ASTN2: variants seen among roughly 807,000 people sequenced by gnomAD.
The protein encoded by ASTN2 is astrotactin-2.
A neutral mutation model predicts 139.8 loss-of-function variants in ASTN2; 54 were observed. The ratio of observed to expected loss-of-function variants is 0.39; its 90% CI spans 0.31 to 0.48. The LOEUF is 0.48. Among genes scored for constraint, ASTN2 ranks in the 20% least tolerant of loss-of-function variants. The probability of loss-of-function intolerance (pLI) is 0.95; values close to 1 mark genes in which losing one functional copy is unlikely to be tolerated. For synonymous variants in ASTN2, 756 were observed against 719.5 expected (o/e 1.05, Z -0.81); for missense variants, 1,565 against 1,725.1 (o/e 0.91, Z 1.64).
intron 3 of ASTN2, among the ~76,000 whole-genome samples, chr9:117,157,214 G>A (rs1830451732): frequency 6.6e-6 from 1 of 151,872 alleles, no homozygotes; most frequent in South Asian, 2.1e-4. Flanking sequence ...CTCTTTTCAT[G>A]GCCAGAACAT....
intron 4 of ASTN2, among the ~76,000 whole-genome samples, chr9:117,105,547 T>C (rs1326331116): frequency 6.6e-6 from 1 of 152,206 alleles, no homozygotes; most frequent in African/African-American, 2.4e-5. Context: ...ACCTTTCCTT[T>C]ATCATTATGA....
Position 116,471,614 on chromosome 9 carries a change from AG to A in ASTN2, c.3497+15744del, listed in dbSNP as rs564816580. Among the ~76,000 whole-genome samples, 42 of 151,852 alleles carry A rather than the reference AG, an allele frequency of 2.8e-4. No homozygotes were observed. In the South Asian group the frequency reaches 6.0e-3, roughly 22 times the overall value. ...GTTGGGCAGTAAAGGGGGTGGAGGGAGGGGGGAATTCATATGAATGCTTACT... is the reference window on the plus strand; with the variant it reads ...GTTGGGCAGTAAAGGGGGTGGAGGGAGGGGGAATTCATATGAATGCTTACT... On this transcript the variant is annotated intron_variant, in intron 20 of 22. Transcript: ENST00000313400.
chr9:117,074,792 T>C (rs1333298747), intron 5 of ASTN2, among the ~76,000 whole-genome samples: 1 of 152,210 alleles, frequency 6.6e-6, no homozygotes, highest in African/African-American at 2.4e-5. Flanking sequence ...CATACATATG[T>C]ATATGCATGC....
intron 16 of ASTN2, among the ~76,000 whole-genome samples, chr9:116,689,920 A>T (rs1469637367): frequency 6.6e-6 from 1 of 152,112 alleles, no homozygotes; most frequent in Non-Finnish European, 1.5e-5. Flanking sequence ...AGGCAGTCAT[A>T]CTCTGAAGGA....
chr9:116,552,016 C>T (rs1423009330), intron 19 of ASTN2: 1 of 152,046 alleles, frequency 6.6e-6, no homozygotes, highest in Non-Finnish European at 1.5e-5. Context: ...TATACATACA[C>T]ATATACATAT....
At chr9:116,845,602 A>G (rs972288988) in intron 11 of ASTN2, among the ~76,000 whole-genome samples, 1 of 150,408 alleles carries the variant, frequency 6.6e-6, no homozygotes, top group African/African-American at 2.5e-5. Flanking sequence ...AAAATGATAT[A>G]CAAACAGCCA....
chr9:116,553,594 A>G (rs1852453606), intron 19 of ASTN2, among the ~76,000 whole-genome samples: 1 of 152,192 alleles, frequency 6.6e-6, no homozygotes. Context: ...CAGAAAGTGC[A>G]TTGGCTTGGG....
At chr9:116,557,507 C>T (rs1852692072) in intron 19 of ASTN2, 1 of 152,056 alleles carries the variant, frequency 6.6e-6, no homozygotes, top group Admixed American at 6.6e-5. Flanking sequence ...GTAATAGAAG[C>T]CTATAAATAA....
At chr9:116,824,951 G>C (rs10983360) in intron 11 of ASTN2, among the ~76,000 whole-genome samples, 2,489 of 152,272 alleles carry the variant, frequency 0.016, 27 homozygotes, top group East Asian at 0.034. Flanking sequence ...TTGAAACAGG[G>C]AGGTTTTAGT....
intron 1 of ASTN2, among the ~76,000 whole-genome samples, chr9:117,301,889 T>G (rs1395472282): frequency 6.6e-6 from 1 of 151,634 alleles, no homozygotes; most frequent in Non-Finnish European, 1.5e-5. Flanking sequence ...TGAGCCTCAC[T>G]GGCCTCACAT....
At chr9:117,256,011 G>A (rs1443364564) in intron 2 of ASTN2, among the ~76,000 whole-genome samples, 2 of 152,138 alleles carry the variant, frequency 1.3e-5, no homozygotes, top group African/African-American at 2.4e-5. Context: ...TGAAAATGAT[G>A]TCCACAAGAA....
At chr9:117,281,341 A>C (rs112296833) in intron 2 of ASTN2, among the ~76,000 whole-genome samples, 1,979 of 152,288 alleles carry the variant, frequency 0.013, 23 homozygotes, top group Middle Eastern at 0.02. Context: ...AAAGAATCAC[A>C]GTTTAAGTCC....
intron 16 of ASTN2, among the ~76,000 whole-genome samples, chr9:116,659,526 C>G (rs1858430854): frequency 6.6e-6 from 1 of 152,148 alleles, no homozygotes; most frequent in East Asian, 1.9e-4. Context: ...AGTCACACAG[C>G]TAGCAACTAG....
chr9:116,497,149 A>G (rs1345149452), intron 19 of ASTN2, among the ~76,000 whole-genome samples: 1 of 152,182 alleles, frequency 6.6e-6, no homozygotes, highest in Non-Finnish European at 1.5e-5. Flanking sequence ...GGCAGCACAA[A>G]GTGAGCCTGA....
chr9:117,011,749 A>T (rs1320414479), intron 6 of ASTN2, among the ~76,000 whole-genome samples: 1 of 152,214 alleles, frequency 6.6e-6, no homozygotes, highest in Non-Finnish European at 1.5e-5. Flanking sequence ...TTCCAATTGA[A>T]CATGAGGTTC....
chr9:116,498,422 AAAAAAACAAAAAAC>A (rs59614260), intron 19 of ASTN2, among the ~76,000 whole-genome samples: 2 of 150,980 alleles, frequency 1.3e-5, no homozygotes, highest in East Asian at 2.0e-4. Context: ...CCATCTCTAA[AAAAAAACAAAAAAC>A]AAAAAACAAA....
intron 13 of ASTN2, among the ~76,000 whole-genome samples, chr9:116,798,128 G>A (rs1830749222): frequency 6.6e-6 from 1 of 152,116 alleles, no homozygotes; most frequent in Non-Finnish European, 1.5e-5. Context: ...AAAACTAGCT[G>A]GGCATGGTGG....
chr9:117,188,501 G>C (rs186633843), intron 3 of ASTN2, among the ~76,000 whole-genome samples: 134 of 152,184 alleles, frequency 8.8e-4, no homozygotes, highest in African/African-American at 3.2e-3. Context: ...CTTCAGTATG[G>C]AATAGCAGCT....
intron 1 of ASTN2, among the ~76,000 whole-genome samples, chr9:117,342,264 C>G (rs1005810714): frequency 7.9e-5 from 12 of 152,294 alleles, no homozygotes; most frequent in South Asian, 4.2e-4. Context: ...CTTGAATCCC[C>G]CATTCTGCCA....
Sources: gnomAD v4.1 joint callset for allele counts (sites outside exome capture counted in the v4.1 genomes callset) on GRCh38, gnomAD v4.1.1 for gene constraint, MANE v1.5 for transcripts, NCBI Gene and HGNC (gene_info 2026-07-23, HGNC 2026-07-21) for gene names.